DIS3L: variants seen among roughly 807,000 people sequenced by gnomAD.
DIS3L encodes DIS3-like exonuclease 1.
In DIS3L, 100 loss-of-function variants were observed where a neutral mutation model predicts 120.3. The observed-to-expected ratio is 0.83, with a 90% CI of 0.71 to 0.98. The LOEUF is 0.98. Among genes scored for constraint, DIS3L ranks in the 50% least tolerant of loss-of-function variants. The probability of loss-of-function intolerance (pLI) is 0.00; values close to 1 mark genes in which losing one functional copy is unlikely to be tolerated. For synonymous variants in DIS3L, 426 were observed against 470.6 expected (o/e 0.91, Z 1.23); for missense variants, 1,196 against 1,314.2 (o/e 0.91, Z 1.39).
intron 14 of DIS3L, chr15:66,329,974 A>G (rs1361157912): frequency 1.0e-6 from 1 of 985,090 alleles, no homozygotes; most frequent in Non-Finnish European, 1.2e-6. Context: ...CAGAGCTAAC[A>G]ATTAATGATT....
intron 7 of DIS3L, among the ~76,000 whole-genome samples, chr15:66,315,596 A>T (rs1566947560): frequency 6.6e-6 from 1 of 152,044 alleles, no homozygotes; most frequent in Non-Finnish European, 1.5e-5. Flanking sequence ...TCCATTATCA[A>T]TTTTCCCACT....
chr15:66,297,189 A>G (rs1397004430), intron 2 of DIS3L, among the ~76,000 whole-genome samples: 5 of 152,244 alleles, frequency 3.3e-5, no homozygotes, highest in African/African-American at 1.2e-4. Context: ...CTAACTTTCA[A>G]ATTAATAATA....
chr15:66,313,252 C>G (rs1476595230), intron 5 of DIS3L, among the ~76,000 whole-genome samples: 1 of 151,882 alleles, frequency 6.6e-6, no homozygotes. Context: ...CCTCAGCCTC[C>G]CAAAATGCTG....
In DIS3L at chr15:66,314,038, G is replaced by A; in HGVS notation, c.736-1G>A. 1 of 1,547,842 alleles carries A rather than the reference G, an allele frequency of 6.5e-7. No homozygotes were observed. Reference sequence around the variant, plus strand: ...ATTGATTTTTTAAATTATGATTTTAGGGAATTCTGAATGTCAACAAACACA... The same window carrying A: ...ATTGATTTTTTAAATTATGATTTTAAGGAATTCTGAATGTCAACAAACACA... On this transcript the variant is annotated splice_acceptor_variant, in intron 5 of 16. Coordinates refer to ENST00000319212, the MANE Select transcript of DIS3L (RefSeq NM_001143688.3). LOFTEE classifies it high-confidence loss of function.
intron 5 of DIS3L, 85 bp downstream of exon 5, chr15:66,311,985 T>C: frequency 1.3e-6 from 2 of 1,488,228 alleles, no homozygotes; most frequent in Non-Finnish European, 1.8e-6. Context: ...GGCTGATAGA[T>C]TGCTTTAGCC....
rs28364838 is a variant in DIS3L, at chr15:66,294,881, A to T, written c.140-107A>T. ...GATTTGTCTTTTAAAAACTCCCACC[A>T]TGGAGTTAAGACTGGAAGTTATTTT... On this transcript the variant is annotated intron_variant, in intron 1 of 16. Coordinates refer to ENST00000319212, the MANE Select transcript of DIS3L (RefSeq NM_001143688.3). 6.3e-3 allele frequency: 7,252 copies of T among 1,158,718 alleles called. 280 individuals are homozygous for T. In the Admixed American group the frequency reaches 0.08, roughly 13 times the overall value. 71.8% of individuals were successfully genotyped at this position (1,158,718 alleles called of 1,614,324 possible).
At chr15:66,322,546 C>A in intron 9 of DIS3L, 141 bp from the exon 10 acceptor site, 1 of 1,336,690 alleles carries the variant, frequency 7.5e-7, no homozygotes, top group Non-Finnish European at 1.0e-6. Flanking sequence ...AATTATTGAT[C>A]AAAGGAAGCC....
chr15:66,293,945 C>A, intron 1 of DIS3L: 1 of 996,216 alleles, frequency 1.0e-6, no homozygotes, highest in African/African-American at 1.7e-5. Context: ...GCCCGGGACT[C>A]CCTTACTGCT....
intron 2 of DIS3L, among the ~76,000 whole-genome samples, chr15:66,303,811 G>T (rs886236047): frequency 6.6e-6 from 1 of 152,094 alleles, no homozygotes; most frequent in East Asian, 1.9e-4. Context: ...CAGTGTGTAG[G>T]CCGGGCGCGG....
At chr15:66,325,738 G>A in intron 11 of DIS3L, 93 bp from the exon 12 acceptor site, 1 of 1,424,346 alleles carries the variant, frequency 7.0e-7, no homozygotes, top group South Asian at 1.4e-5. Flanking sequence ...TCCAGCCTGG[G>A]TGACAGAGCA....
At chr15:66,307,321 G>GT (rs929864175) in intron 3 of DIS3L, among the ~76,000 whole-genome samples, 1 of 151,620 alleles carries the variant, frequency 6.6e-6, no homozygotes, top group African/African-American at 2.4e-5. Flanking sequence ...TTGAGACAGG[G>GT]TTTTTTGCTC....
chr15:66,309,849 A>G (rs953698657), intron 4 of DIS3L, among the ~76,000 whole-genome samples: 2 of 152,188 alleles, frequency 1.3e-5, no homozygotes, highest in African/African-American at 4.8e-5. Flanking sequence ...AATAGGGATA[A>G]ATGAAAGGGT....
At chr15:66,295,858 T>A (rs1358164289) in intron 2 of DIS3L, among the ~76,000 whole-genome samples, 1 of 152,226 alleles carries the variant, frequency 6.6e-6, no homozygotes, top group Non-Finnish European at 1.5e-5. Context: ...CTTTTAACAC[T>A]CTAAGTTATT....
At chr15:66,325,760 CAAAAAAA>C in intron 11 of DIS3L, 64 bp from the exon 12 acceptor site, 3 of 1,515,128 alleles carry the variant, frequency 2.0e-6, no homozygotes, top group Non-Finnish European at 2.7e-6. Flanking sequence ...GATCCTGTCT[CAAAAAAA>C]CAAAAAACAA....
chr15:66,333,501 C>T lies in DIS3L; in HGVS notation c.*189C>T, dbSNP rs969405904. 1.4e-5 allele frequency: 7 copies of T among 508,694 alleles called. No individual in the cohort carries two copies. The highest frequency in any genetic ancestry group is 7.7e-5 in the Admixed American group (2 of 26,094). 31.5% of individuals were successfully genotyped at this position (508,694 alleles called of 1,614,324 possible). On this transcript the variant is annotated 3_prime_UTR_variant, in exon 17 of 17. Coordinates refer to ENST00000319212, the MANE Select transcript of DIS3L (RefSeq NM_001143688.3). ...ACCCCAGCACTTTGGGAGGCTGAGGCGGGCGGATCACGAGGTCAGGAGATT... is the reference window on the plus strand; with the variant it reads ...ACCCCAGCACTTTGGGAGGCTGAGGTGGGCGGATCACGAGGTCAGGAGATT...
chr15:66,330,705 A>G (rs2092990574), intron 14 of DIS3L: 1 of 190,108 alleles, frequency 5.3e-6, no homozygotes, highest in Non-Finnish European at 9.7e-6. Flanking sequence ...GATAGAGAGC[A>G]TTTCTATCAT....
chr15:66,323,910 G>T (rs537008477), intron 11 of DIS3L, among the ~76,000 whole-genome samples: 1 of 152,122 alleles, frequency 6.6e-6, no homozygotes, highest in African/African-American at 2.4e-5. Context: ...ATTCCCTGGC[G>T]GAAGTTGTTT....
rs1484960426 is a variant in DIS3L at position 66,329,072 on chromosome 15, T to C, written c.2304T>C (p.Asn768=). The change falls in exon 13 of 17, where the codon AAT becomes AAC. Residue 768 remains asparagine, a synonymous_variant. Transcript: ENST00000319212. The stretch of plus-strand genomic sequence containing the variant: ...CCATGGCCACGCAGGCCATGTCGAA[T>C]GCTCTGTACTTCTCCACCGGATCCT... ...LRSMATQAMS[N]ALYFSTGSCA... 3.1e-6 allele frequency: 5 copies of C among 1,614,108 alleles called. No homozygotes were observed. Among genetic ancestry groups the C allele is most frequent in the African/African-American group, 1.3e-5 (1 of 74,950 alleles).
rs1179874694 is a variant in DIS3L, at chr15:66,297,353, G to A, written c.293+2212G>A. Among the ~76,000 whole-genome samples, 2 of 152,118 alleles carry A rather than the reference G, an allele frequency of 1.3e-5. 1 individual carries two copies. The highest frequency in any genetic ancestry group is 4.1e-4 in the South Asian group (2 of 4,822). On this transcript the variant is annotated intron_variant, in intron 2 of 16. Transcript: ENST00000319212. The stretch of plus-strand genomic sequence containing the variant: ...TCATACTTATAATCCCAGCACTTTG[G>A]GAGGCCAAGACAGGAGGATAACTTG...
Sources: allele counts gnomAD v4.1 joint callset (sites outside exome capture counted in the v4.1 genomes callset), GRCh38; gene constraint gnomAD v4.1.1; transcripts MANE v1.5; gene names NCBI Gene and HGNC (gene_info 2026-07-23, HGNC 2026-07-21).